Variants in GRK5 observed in about 807,000 individuals in gnomAD.
GRK5 encodes G protein-coupled receptor kinase 5.
Under a neutral mutation model 78.4 loss-of-function variants are expected in GRK5, and 40 were observed. The ratio of observed to expected loss-of-function variants is 0.51; its 90% CI spans 0.40 to 0.66. The LOEUF (loss-of-function observed/expected upper bound fraction) is 0.66, where lower values mean the gene tolerates loss of function less well. Ranked by LOEUF, GRK5 falls within the 30% of genes least tolerant of loss-of-function variation. GRK5 has a pLI of 0.00. For synonymous variants in GRK5, 289 were observed against 296.8 expected, an observed-to-expected ratio of 0.97 and a Z score of 0.27; for missense variants, 598 against 759.9, an observed-to-expected ratio of 0.79 and a Z score of 2.50.
intron 2 of GRK5, among the ~76,000 whole-genome samples, chr10:119,328,645 C>T (rs1350033244): frequency 1.3e-5 from 2 of 152,228 alleles, no homozygotes; most frequent in Non-Finnish European, 2.9e-5. Flanking sequence ...GTCTTGCACT[C>T]ATCCACAGGG....
chr10:119,407,314 G>A (rs1852258804), intron 4 of GRK5, among the ~76,000 whole-genome samples: 1 of 152,176 alleles, frequency 6.6e-6, no homozygotes, highest in African/African-American at 2.4e-5. Flanking sequence ...TTCCTTGTGG[G>A]GCTTTCTATA....
chr10:119,233,188 C>T (rs1848859248), intron 1 of GRK5, among the ~76,000 whole-genome samples: 3 of 152,138 alleles, frequency 2.0e-5, no homozygotes, highest in Admixed American at 6.5e-5. Context: ...TTTTTCTGGC[C>T]CACATCTACC....
rs567645822 is a variant in GRK5 at position 119,307,797 on chromosome 10, C to G, written c.53-18719C>G. ...GCGAGCCCTCCTTTCTGCATACACACTGGATTTTGAATTCTGAGGGGTAAC... is the reference window on the plus strand; with the variant it reads ...GCGAGCCCTCCTTTCTGCATACACAGTGGATTTTGAATTCTGAGGGGTAAC... On this transcript the variant is annotated intron_variant, in intron 1 of 15. Transcript: ENST00000392870. Among the ~76,000 whole-genome samples the G allele has an allele frequency of 9.1e-4, 139 of 152,226 alleles. 1 individual carries two copies. The highest frequency in any genetic ancestry group is 3.1e-3 in the African/African-American group (130 of 41,498).
chr10:119,226,317 T>C (rs1249936702), intron 1 of GRK5, among the ~76,000 whole-genome samples: 5 of 147,726 alleles, frequency 3.4e-5, no homozygotes, highest in Admixed American at 2.7e-4. Flanking sequence ...ATTTTAATTT[T>C]TTTTTTTTTT....
rs1564879200 is a variant in GRK5, at chr10:119,291,613, T to TC, written c.53-34902dup. The stretch of plus-strand genomic sequence containing the variant: ...CTCCTCCTCCTCCTCTTCCTCCTCC[T>TC]CTTCTTCCTCCTCTTCCTCCTTCTC... On this transcript the variant is annotated intron_variant, in intron 1 of 15. Coordinates refer to ENST00000392870, the MANE Select transcript of GRK5 (RefSeq NM_005308.3). Among the ~76,000 whole-genome samples the TC allele has an allele frequency of 3.8e-3, 525 of 139,844 alleles. 21 individuals carry two copies. The highest frequency in any genetic ancestry group is 9.2e-3 in the Admixed American group (123 of 13,434). 91.7% of individuals were successfully genotyped at this position (139,844 alleles called of 152,430 possible). A position where few individuals can be genotyped will look rare whatever the true frequency, so the allele number is the denominator to read the frequency against.
intron 1 of GRK5, among the ~76,000 whole-genome samples, chr10:119,317,831 A>T (rs1431940095): frequency 6.6e-6 from 1 of 152,186 alleles, no homozygotes; most frequent in African/African-American, 2.4e-5. Context: ...AAATTCCTAG[A>T]AAGAGTGGTC....
At chr10:119,319,733 G>A (rs1026913798) in intron 1 of GRK5, among the ~76,000 whole-genome samples, 7 of 152,216 alleles carry the variant, frequency 4.6e-5, no homozygotes, top group South Asian at 2.1e-4. Context: ...TTGTGCTCCC[G>A]CCTGGGTGTG....
chr10:119,418,583 C>T (rs1292927666), intron 4 of GRK5, among the ~76,000 whole-genome samples: 1 of 152,238 alleles, frequency 6.6e-6, no homozygotes, highest in Admixed American at 6.5e-5. Flanking sequence ...TCAGAGTGGA[C>T]TCTGGCAGGG....
chr10:119,344,080 T>C (rs1217218615), intron 2 of GRK5, among the ~76,000 whole-genome samples: 4 of 147,210 alleles, frequency 2.7e-5, no homozygotes, highest in Non-Finnish European at 4.5e-5. Context: ...TTTCTTTTTC[T>C]TTTTTTTTTG....
chr10:119,348,889 G>A (rs1406760602), intron 2 of GRK5, among the ~76,000 whole-genome samples: 4 of 152,156 alleles, frequency 2.6e-5, no homozygotes, highest in African/African-American at 9.7e-5. Flanking sequence ...AGGAGTGCTG[G>A]GGGTGGCCAG....
At chr10:119,340,120 G>GTTTGTTTGTTTTGT (rs1554908748) in intron 2 of GRK5, among the ~76,000 whole-genome samples, 1 of 151,730 alleles carries the variant, frequency 6.6e-6, no homozygotes, top group Non-Finnish European at 1.5e-5. Flanking sequence ...TTGTTTGTTT[G>GTTTGTTTGTTTTGT]TTTGTTTTGT....
chr10:119,258,072 G>C (rs529931255), intron 1 of GRK5, among the ~76,000 whole-genome samples: 1 of 152,236 alleles, frequency 6.6e-6, no homozygotes, highest in East Asian at 1.9e-4. Flanking sequence ...ACCACAATCA[G>C]GAGTACTTTC....
chr10:119,389,560 A>G (rs1312157251), intron 3 of GRK5, among the ~76,000 whole-genome samples: 1 of 152,190 alleles, frequency 6.6e-6, no homozygotes, highest in African/African-American at 2.4e-5. Context: ...CGCATTCCCA[A>G]ATAACATGGC....
chr10:119,245,969 G>A (rs1265841152), intron 1 of GRK5, among the ~76,000 whole-genome samples: 3 of 128,606 alleles, frequency 2.3e-5, no homozygotes, highest in East Asian at 4.7e-4. Flanking sequence ...GCAGTGAGCC[G>A]AGATCATGCT....
chr10:119,276,462 G>A (rs995974299), intron 1 of GRK5, among the ~76,000 whole-genome samples: 2 of 152,166 alleles, frequency 1.3e-5, no homozygotes, highest in Non-Finnish European at 2.9e-5. Flanking sequence ...AGTGTTCCAT[G>A]GTGTATATGT....
At chr10:119,259,745 T>C (rs561783870) in intron 1 of GRK5, among the ~76,000 whole-genome samples, 29 of 152,376 alleles carry the variant, frequency 1.9e-4, no homozygotes, top group Admixed American at 5.2e-4. Context: ...GTGCTTGAAG[T>C]GTGGCTTGTG....
chr10:119,341,570 G>T (rs1001449282), intron 2 of GRK5, among the ~76,000 whole-genome samples: 3 of 152,024 alleles, frequency 2.0e-5, no homozygotes, highest in African/African-American at 7.2e-5. Flanking sequence ...CCTAGTCAGG[G>T]TTTGCTCCCC....
At chr10:119,235,547 G>A (rs1230623855) in intron 1 of GRK5, among the ~76,000 whole-genome samples, 3 of 151,852 alleles carry the variant, frequency 2.0e-5, no homozygotes, top group Non-Finnish European at 2.9e-5. Flanking sequence ...TTTCATTGAG[G>A]GCCCCTTACA....
At chr10:119,403,948 T>G (rs531450550) in intron 4 of GRK5, among the ~76,000 whole-genome samples, 1 of 152,344 alleles carries the variant, frequency 6.6e-6, no homozygotes, top group Non-Finnish European at 1.5e-5. Flanking sequence ...TTCTATTTTT[T>G]GTTTCTACAT....
Sources: gnomAD v4.1 joint callset for allele counts (sites outside exome capture counted in the v4.1 genomes callset) on GRCh38, gnomAD v4.1.1 for gene constraint, MANE v1.5 for transcripts, NCBI Gene and HGNC (gene_info 2026-07-23, HGNC 2026-07-21) for gene names.